Variants in NKAIN3 observed in about 807,000 individuals in gnomAD.
NKAIN3 encodes sodium/potassium-transporting ATPase subunit beta-1-interacting protein 3.
In NKAIN3, 25 loss-of-function variants were observed where a neutral mutation model predicts 30.2. The ratio of observed to expected loss-of-function variants is 0.83; its 90% CI spans 0.60 to 1.16. The LOEUF (loss-of-function observed/expected upper bound fraction) is 1.16, where lower values mean the gene tolerates loss of function less well. Among genes scored for constraint, NKAIN3 ranks in the 50% most tolerant of loss-of-function variants. NKAIN3 has a pLI of 0.00. For synonymous variants in NKAIN3, 91 were observed against 89.6 expected (o/e 1.02, Z -0.09); for missense variants, 225 against 254.1 (o/e 0.89, Z 0.78).
At chr8:62,652,962 G>T (rs1812668770) in intron 3 of NKAIN3, among the ~76,000 whole-genome samples, 1 of 152,074 alleles carries the variant, frequency 6.6e-6, no homozygotes, top group South Asian at 2.1e-4. Flanking sequence ...AACAGAACCA[G>T]GAAAGGGGGA....
At chr8:62,695,581 A>G (rs1341002066) in intron 3 of NKAIN3, among the ~76,000 whole-genome samples, 1 of 152,158 alleles carries the variant, frequency 6.6e-6, no homozygotes, top group African/African-American at 2.4e-5. Context: ...ATTGACAATA[A>G]ATCCAAAATT....
At chr8:62,889,333 G>T (rs989221243) in intron 4 of NKAIN3, among the ~76,000 whole-genome samples, 1 of 151,928 alleles carries the variant, frequency 6.6e-6, no homozygotes, top group African/African-American at 2.4e-5. Context: ...TCATGCCATT[G>T]CACTCCAGCC....
At chr8:62,943,034 T>A (rs1325607875) in intron 5 of NKAIN3, among the ~76,000 whole-genome samples, 1 of 152,084 alleles carries the variant, frequency 6.6e-6, no homozygotes, top group East Asian at 1.9e-4. Context: ...GATAAATAGA[T>A]AGGACTTAAT....
intron 1 of NKAIN3, among the ~76,000 whole-genome samples, chr8:62,283,545 A>C (rs1001853269): frequency 6.6e-6 from 1 of 152,146 alleles, no homozygotes; most frequent in African/African-American, 2.4e-5. Context: ...TAAATCATAT[A>C]TATGTCATTA....
chr8:62,926,758 T>C (rs994444179), intron 5 of NKAIN3, among the ~76,000 whole-genome samples: 3 of 152,124 alleles, frequency 2.0e-5, no homozygotes, highest in Non-Finnish European at 4.4e-5. Flanking sequence ...GTGGGAATGA[T>C]TTCCTCAAGT....
At chr8:62,813,389 G>T (rs1818556107) in intron 4 of NKAIN3, among the ~76,000 whole-genome samples, 1 of 151,448 alleles carries the variant, frequency 6.6e-6, no homozygotes, top group African/African-American at 2.4e-5. Context: ...AAAGTCATTG[G>T]TATTTTGGTG....
intron 4 of NKAIN3, among the ~76,000 whole-genome samples, chr8:62,764,511 G>C (rs1440932151): frequency 1.3e-5 from 2 of 151,894 alleles, no homozygotes; most frequent in Non-Finnish European, 2.9e-5. Flanking sequence ...TGTTGCCCAG[G>C]CTGGAGTGCA....
intron 5 of NKAIN3, among the ~76,000 whole-genome samples, chr8:62,992,258 C>T (rs1284459137): frequency 3.9e-5 from 6 of 151,926 alleles, no homozygotes; most frequent in Admixed American, 1.3e-4. Flanking sequence ...GTGATCCACC[C>T]GCCTCAGCCT....
chr8:62,836,998 A>G (rs1356277995), intron 4 of NKAIN3, among the ~76,000 whole-genome samples: 1 of 152,142 alleles, frequency 6.6e-6, no homozygotes, highest in East Asian at 1.9e-4. Flanking sequence ...AGTTTCTGCC[A>G]AGTTCACTCA....
chr8:62,802,016 T>C (rs1285387229), intron 4 of NKAIN3, among the ~76,000 whole-genome samples: 1 of 152,002 alleles, frequency 6.6e-6, no homozygotes, highest in Non-Finnish European at 1.5e-5. Flanking sequence ...AGAAAGGGTA[T>C]CAGTGATGGA....
At chr8:62,807,535 T>C (rs1404583412) in intron 4 of NKAIN3, among the ~76,000 whole-genome samples, 1 of 149,644 alleles carries the variant, frequency 6.7e-6, no homozygotes, top group Non-Finnish European at 1.5e-5. Context: ...TTTCTCATCT[T>C]TCAATAGTTA....
intron 1 of NKAIN3, among the ~76,000 whole-genome samples, chr8:62,342,719 G>A (rs13262653): frequency 2.6e-5 from 4 of 151,980 alleles, no homozygotes; most frequent in Admixed American, 6.6e-5. Context: ...CCCAGCCAGT[G>A]TGGCACAGCT....
intron 1 of NKAIN3, among the ~76,000 whole-genome samples, chr8:62,441,392 A>G (rs1456419619): frequency 1.3e-5 from 2 of 152,010 alleles, no homozygotes; most frequent in Non-Finnish European, 2.9e-5. Flanking sequence ...AAAAGAGTGT[A>G]ACTTTATTTC....
chr8:62,370,783 T>C (rs1002477138), intron 1 of NKAIN3, among the ~76,000 whole-genome samples: 1 of 152,014 alleles, frequency 6.6e-6, no homozygotes, highest in Non-Finnish European at 1.5e-5. Flanking sequence ...AATGTGGTGT[T>C]AGAAAATCAT....
chr8:62,629,264 C>A (rs76854916), intron 3 of NKAIN3, among the ~76,000 whole-genome samples: 3,087 of 152,126 alleles, frequency 0.02, 87 homozygotes, highest in African/African-American at 0.069. Context: ...CCCTTTTTTG[C>A]ATGATTTTTT....
chr8:62,775,021 G>C (rs1281508149), intron 4 of NKAIN3, among the ~76,000 whole-genome samples: 10 of 152,124 alleles, frequency 6.6e-5, no homozygotes, highest in Admixed American at 6.6e-4. Context: ...CAGCAGTGAA[G>C]CTATCACGTC....
intron 5 of NKAIN3, among the ~76,000 whole-genome samples, chr8:62,940,318 AGGG>A (rs1156822845): frequency 6.6e-6 from 1 of 152,120 alleles, no homozygotes; most frequent in Non-Finnish European, 1.5e-5. Flanking sequence ...CAATAATGGC[AGGG>A]GACTTCAATA....
chr8:62,864,024 C>G, intron 4 of NKAIN3: 1 of 715,868 alleles, frequency 1.4e-6, no homozygotes, highest in Non-Finnish European at 2.5e-6. Context: ...TAGGGTGTTT[C>G]TCTCTTTTCG....
chr8:62,813,689 T>C (rs1004625419), intron 4 of NKAIN3, among the ~76,000 whole-genome samples: 1 of 151,942 alleles, frequency 6.6e-6, no homozygotes, highest in Non-Finnish European at 1.5e-5. Flanking sequence ...ATTTGGTGCT[T>C]TTCATAGTGA....
Sources: gnomAD v4.1 joint callset for allele counts (sites outside exome capture counted in the v4.1 genomes callset) on GRCh38, gnomAD v4.1.1 for gene constraint, MANE v1.5 for transcripts, NCBI Gene and HGNC (gene_info 2026-07-23, HGNC 2026-07-21) for gene names.